DDX10: variants seen among roughly 807,000 people sequenced by gnomAD.
DDX10 encodes the protein probable ATP-dependent RNA helicase DDX10.
A neutral mutation model predicts 104.3 loss-of-function variants in DDX10; 74 were observed. That is an observed-to-expected ratio of 0.71 (90% confidence interval 0.59 to 0.86). The LOEUF (loss-of-function observed/expected upper bound fraction) is 0.86, where lower values mean the gene tolerates loss of function less well. Ranked by LOEUF, DDX10 falls within the 40% of genes least tolerant of loss-of-function variation. DDX10 has a pLI of 0.00. For synonymous variants in DDX10, 351 were observed against 353.4 expected (o/e 0.99, Z 0.08); for missense variants, 952 against 1,040.0 (o/e 0.92, Z 1.16).
intron 1 of DDX10, among the ~76,000 whole-genome samples, chr11:108,671,487 G>A (rs1379356759): frequency 1.3e-5 from 2 of 152,168 alleles, no homozygotes; most frequent in Non-Finnish European, 2.9e-5. Context: ...TGTAGGAACC[G>A]TAGCCATCTC....
intron 13 of DDX10, among the ~76,000 whole-genome samples, chr11:108,740,557 A>G (rs2615738): frequency 0.89 from 135,748 of 152,196 alleles, 60,768 homozygotes; most frequent in East Asian, 0.99. Flanking sequence ...TTGAGAAATC[A>G]CCAAACTGCT....
intron 13 of DDX10, among the ~76,000 whole-genome samples, chr11:108,748,293 A>C (rs1315863968): frequency 6.6e-6 from 1 of 152,298 alleles, no homozygotes; most frequent in South Asian, 2.1e-4. Flanking sequence ...TGAACGAGAG[A>C]GAGCGCCAGA....
chr11:108,796,285 T>C (rs1228613636), intron 13 of DDX10, among the ~76,000 whole-genome samples: 1 of 152,224 alleles, frequency 6.6e-6, no homozygotes, highest in African/African-American at 2.4e-5. Context: ...TCATTGGTTT[T>C]CTGTGTTACA....
At chr11:108,703,257 C>T (rs183046440) in intron 9 of DDX10, among the ~76,000 whole-genome samples, 1 of 152,236 alleles carries the variant, frequency 6.6e-6, no homozygotes, top group East Asian at 1.9e-4. Flanking sequence ...TCATGTTGTA[C>T]ATGATAAATA....
intron 16 of DDX10, among the ~76,000 whole-genome samples, chr11:108,892,872 C>G (rs1591113584): frequency 6.6e-6 from 1 of 152,248 alleles, no homozygotes; most frequent in Non-Finnish European, 1.5e-5. Flanking sequence ...ACAACTGGCC[C>G]TTACTATTAT....
At chr11:108,769,832 T>C (rs1037249547) in intron 13 of DDX10, among the ~76,000 whole-genome samples, 14 of 152,188 alleles carry the variant, frequency 9.2e-5, no homozygotes, top group African/African-American at 3.1e-4. Flanking sequence ...TGATATTTAC[T>C]GTATCAGACA....
intron 1 of DDX10, among the ~76,000 whole-genome samples, chr11:108,670,476 G>C (rs1396813417): frequency 6.6e-6 from 1 of 152,202 alleles, no homozygotes; most frequent in African/African-American, 2.4e-5. Flanking sequence ...AGGAATCCCC[G>C]GGCCTGCAGT....
intron 1 of DDX10, among the ~76,000 whole-genome samples, chr11:108,666,838 A>G (rs985773314): frequency 6.6e-6 from 1 of 152,218 alleles, no homozygotes; most frequent in Non-Finnish European, 1.5e-5. Context: ...CACTTTTGCC[A>G]TGTAAGGTAA....
chr11:108,833,141 C>G (rs1279003600), intron 13 of DDX10, among the ~76,000 whole-genome samples: 4 of 152,184 alleles, frequency 2.6e-5, no homozygotes, highest in Admixed American at 2.6e-4. Context: ...AGGTGTTTAG[C>G]ACATCACTGA....
chr11:108,746,221 A>T (rs1591807807), intron 13 of DDX10, among the ~76,000 whole-genome samples: 1 of 152,086 alleles, frequency 6.6e-6, no homozygotes, highest in Admixed American at 6.6e-5. Flanking sequence ...ATAAGTAAGC[A>T]CTGGTCTATT....
chr11:108,903,434 T>C (rs1326415878), intron 16 of DDX10, among the ~76,000 whole-genome samples: 5 of 152,192 alleles, frequency 3.3e-5, no homozygotes, highest in African/African-American at 9.6e-5. Context: ...TCCATATCTG[T>C]GAGTCCCTCA....
At chr11:108,818,629 A>G (rs1269270822) in intron 13 of DDX10, among the ~76,000 whole-genome samples, 1 of 152,172 alleles carries the variant, frequency 6.6e-6, no homozygotes, top group Non-Finnish European at 1.5e-5. Context: ...TTAATGTTTC[A>G]TTTATTAGTG....
At chr11:108,840,941 C>T (rs1255210852) in intron 14 of DDX10, among the ~76,000 whole-genome samples, 1 of 152,180 alleles carries the variant, frequency 6.6e-6, no homozygotes, top group African/African-American at 2.4e-5. Flanking sequence ...AAAGGAGGTA[C>T]AGCCTGTGTC....
At chr11:108,930,889 C>CA (rs963969590) in intron 17 of DDX10, among the ~76,000 whole-genome samples, 1 of 152,164 alleles carries the variant, frequency 6.6e-6, no homozygotes, top group African/African-American at 2.4e-5. Flanking sequence ...CTCAGCCTCT[C>CA]AAAGTGAAGG....
At chr11:108,758,013 A>G (rs2094346529) in intron 13 of DDX10, among the ~76,000 whole-genome samples, 1 of 152,050 alleles carries the variant, frequency 6.6e-6, no homozygotes, top group African/African-American at 2.4e-5. Context: ...CTACTGCTAC[A>G]GCAACCTCAG....
At chr11:108,782,719 C>A (rs112216371) in intron 13 of DDX10, among the ~76,000 whole-genome samples, 1 of 151,938 alleles carries the variant, frequency 6.6e-6, no homozygotes, top group Non-Finnish European at 1.5e-5. Context: ...AAATGACTAA[C>A]CAGTAGTAAG....
intron 7 of DDX10, 87 bp from the exon 8 acceptor site, chr11:108,691,789 T>C: frequency 8.2e-7 from 1 of 1,222,038 alleles, no homozygotes; most frequent in Non-Finnish European, 1.1e-6. Flanking sequence ...GCTCTGCTGT[T>C]GAGACTCTGT....
intron 16 of DDX10, among the ~76,000 whole-genome samples, chr11:108,887,369 C>T (rs2553764): frequency 0.91 from 138,341 of 151,920 alleles, 63,283 homozygotes; most frequent in East Asian, 0.97. Flanking sequence ...CTTAGAAATA[C>T]TTTTTTCTTT....
intron 13 of DDX10, among the ~76,000 whole-genome samples, chr11:108,754,697 A>G (rs957601824): frequency 6.6e-6 from 1 of 152,046 alleles, no homozygotes; most frequent in Non-Finnish European, 1.5e-5. Context: ...CTGTACATCT[A>G]GAATCTATGG....
Sources: gnomAD v4.1 joint callset for allele counts (sites outside exome capture counted in the v4.1 genomes callset) on GRCh38, gnomAD v4.1.1 for gene constraint, MANE v1.5 for transcripts, NCBI Gene and HGNC (gene_info 2026-07-23, HGNC 2026-07-21) for gene names.